The following HNRNPC variants were observed in gnomAD, a reference collection of about 807,000 sequenced individuals.
The protein encoded by HNRNPC is heterogeneous nuclear ribonucleoproteins C1/C2.
HNRNPC carries 3 observed loss-of-function variants against 33.2 expected under a neutral mutation model. The ratio of observed to expected loss-of-function variants is 0.09; its 90% CI spans 0.04 to 0.23. The LOEUF (loss-of-function observed/expected upper bound fraction) is 0.23. Among genes scored for constraint, HNRNPC ranks in the 10% least tolerant of loss-of-function variants. HNRNPC has a pLI of 1.00. For synonymous variants in HNRNPC, 121 were observed against 126.7 expected (o/e 0.96, Z 0.30); for missense variants, 143 against 366.7 (o/e 0.39, Z 4.98).
At chr14:21,237,551 A>C (rs778661972) in intron 2 of HNRNPC, among the ~76,000 whole-genome samples, 4 of 152,220 alleles carry the variant, frequency 2.6e-5, no homozygotes, top group Non-Finnish European at 5.9e-5. Context: ...ACCTCGTCCT[A>C]CAAGTGGCAA....
intron 5 of HNRNPC, among the ~76,000 whole-genome samples, chr14:21,229,664 T>TA (rs1290396854): frequency 6.6e-5 from 10 of 152,248 alleles, no homozygotes; most frequent in African/African-American, 2.4e-4. Flanking sequence ...CATGCATGAC[T>TA]GATTAACTCA....
intron 1 of HNRNPC, among the ~76,000 whole-genome samples, chr14:21,268,259 T>A (rs773108699): frequency 6.6e-6 from 1 of 152,212 alleles, no homozygotes; most frequent in South Asian, 2.1e-4. Flanking sequence ...ATAACGTAGC[T>A]GTGAATTTTT....
chr14:21,242,701 ATAGT>A (rs1430468820), intron 2 of HNRNPC, among the ~76,000 whole-genome samples: 3 of 152,210 alleles, frequency 2.0e-5, no homozygotes, highest in Non-Finnish European at 2.9e-5. Flanking sequence ...CTAAGGGATC[ATAGT>A]TAGAAAGTTG....
intron 5 of HNRNPC, among the ~76,000 whole-genome samples, chr14:21,218,513 C>T (rs751255148): frequency 6.7e-6 from 1 of 149,820 alleles, no homozygotes; most frequent in Admixed American, 6.7e-5. Context: ...ATGGTGAAAC[C>T]CGGTTTCTAC....
At chr14:21,261,392 A>G (rs1408583605) in intron 2 of HNRNPC, among the ~76,000 whole-genome samples, 1 of 152,204 alleles carries the variant, frequency 6.6e-6, no homozygotes, top group Non-Finnish European at 1.5e-5. Flanking sequence ...TACAATAGAG[A>G]GCATCAATAA....
At chr14:21,212,707 A>G (rs908595193) in intron 6 of HNRNPC, among the ~76,000 whole-genome samples, 2 of 152,086 alleles carry the variant, frequency 1.3e-5, no homozygotes, top group South Asian at 4.2e-4. Context: ...CATCCCCGGC[A>G]AATTTTTTGT....
intron 2 of HNRNPC, among the ~76,000 whole-genome samples, chr14:21,237,916 C>A (rs147471363): frequency 2.0e-5 from 3 of 152,266 alleles, no homozygotes; most frequent in Non-Finnish European, 4.4e-5. Context: ...GGATTACAGG[C>A]ATGCGCCACC....
At chr14:21,212,824 T>G in intron 6 of HNRNPC, 136 bp downstream of exon 6, 44 of 1,128,160 alleles carry the variant, frequency 3.9e-5, no homozygotes, top group Non-Finnish European at 5.5e-5. Context: ...ATTACAGGCA[T>G]GAGCCACCAC....
At chr14:21,244,787 A>G (rs908173736) in intron 2 of HNRNPC, among the ~76,000 whole-genome samples, 1 of 152,168 alleles carries the variant, frequency 6.6e-6, no homozygotes, top group South Asian at 2.1e-4. Flanking sequence ...CTCCCAGACT[A>G]CAAACCTGCA....
Position 21,217,161 on chromosome 14 carries a change from C to T in HNRNPC, c.366-4044G>A, listed in dbSNP as rs548251088. Among the ~76,000 whole-genome samples, 5 of 152,354 alleles carry T rather than the reference C, an allele frequency of 3.3e-5. No individual in the cohort carries two copies. In the South Asian group the frequency reaches 1.0e-3, roughly 32 times the overall value. ...TCAGGCAGAAATGGACTCTCATTCACATCTGAGGAAGTAGTCCTTGCCTCA... is the reference window on the plus strand; with the variant it reads ...TCAGGCAGAAATGGACTCTCATTCATATCTGAGGAAGTAGTCCTTGCCTCA... On this transcript the variant is annotated intron_variant, in intron 5 of 8. Coordinates refer to ENST00000553300, the MANE Select transcript of HNRNPC (RefSeq NM_004500.4).
rs1594192032 is a variant in HNRNPC at position 21,212,910 on chromosome 14, T to C, written c.523+50A>G. On this transcript the variant is annotated intron_variant, in intron 6 of 8. Transcript: ENST00000553300. Reference sequence around the variant, plus strand: ...AATATTGTAACTGCATTAGCTTCCCTATCTCAAAACACAAGAGATACCAAA... The same window carrying C: ...AATATTGTAACTGCATTAGCTTCCCCATCTCAAAACACAAGAGATACCAAA... 4 of 1,602,732 alleles carry C rather than the reference T, an allele frequency of 2.5e-6. No homozygotes were observed. The East Asian group carries it at 8.9e-5, about 36-fold the overall frequency.
chr14:21,248,531 T>C (rs958917200), intron 2 of HNRNPC, among the ~76,000 whole-genome samples: 1 of 152,150 alleles, frequency 6.6e-6, no homozygotes, highest in Non-Finnish European at 1.5e-5. Flanking sequence ...TAACTGGCAC[T>C]TAACAAGTGC....
chr14:21,226,488 A>C (rs1893455965), intron 5 of HNRNPC, among the ~76,000 whole-genome samples: 1 of 152,084 alleles, frequency 6.6e-6, no homozygotes, highest in Non-Finnish European at 1.5e-5. Context: ...ATACTTGTGC[A>C]TTCCCAACAT....
intron 2 of HNRNPC, among the ~76,000 whole-genome samples, chr14:21,259,129 T>A (rs1877738836): frequency 6.6e-6 from 1 of 152,210 alleles, no homozygotes; most frequent in South Asian, 2.1e-4. Flanking sequence ...TTGGTAATTA[T>A]TTTCCAGTAT....
intron 2 of HNRNPC, among the ~76,000 whole-genome samples, chr14:21,248,351 T>G (rs182607058): frequency 2.6e-5 from 4 of 152,122 alleles, no homozygotes; most frequent in African/African-American, 9.7e-5. Flanking sequence ...CCTAGACACA[T>G]GTGTTTCAAG....
At chr14:21,214,972 G>A (rs563626042) in intron 5 of HNRNPC, among the ~76,000 whole-genome samples, 16 of 152,218 alleles carry the variant, frequency 1.1e-4, no homozygotes, top group Admixed American at 7.2e-4. Flanking sequence ...ACCGGCACCC[G>A]TATCTAAACC....
chr14:21,237,622 T>G (rs576209157), intron 2 of HNRNPC, among the ~76,000 whole-genome samples: 1 of 152,344 alleles, frequency 6.6e-6, no homozygotes, highest in African/African-American at 2.4e-5. Flanking sequence ...TAGTATGGTG[T>G]GGTTTCTCGA....
chr14:21,229,112 C>G (rs1355497493), intron 5 of HNRNPC, among the ~76,000 whole-genome samples: 8 of 146,526 alleles, frequency 5.5e-5, no homozygotes, highest in Non-Finnish European at 1.2e-4. Flanking sequence ...AAAATCAGGC[C>G]AGGCGTGGTG....
At chr14:21,232,975 T>G (rs1429318630) in intron 3 of HNRNPC, among the ~76,000 whole-genome samples, 7 of 151,670 alleles carry the variant, frequency 4.6e-5, no homozygotes, top group Non-Finnish European at 5.9e-5. Context: ...AGGCTGAGGT[T>G]ACAATTAGCC....
Sources: gnomAD v4.1 joint callset for allele counts (sites outside exome capture counted in the v4.1 genomes callset) on GRCh38, gnomAD v4.1.1 for gene constraint, MANE v1.5 for transcripts, NCBI Gene and HGNC (gene_info 2026-07-23, HGNC 2026-07-21) for gene names.